The following ACSL6 variants were observed in gnomAD, a reference collection of about 807,000 sequenced individuals.
The protein encoded by ACSL6 is acyl-CoA synthetase long chain family member 6.
Under a neutral mutation model 98.2 loss-of-function variants are expected in ACSL6, and 47 were observed. The ratio of observed to expected loss-of-function variants is 0.48; its 90% CI spans 0.38 to 0.61. The LOEUF is 0.61. ACSL6 is among the 20% of genes least tolerant of loss of function. ACSL6 has a pLI of 0.00. For missense variants in ACSL6, 761 were observed against 913.4 expected (o/e 0.83, Z 2.15); for synonymous variants, 362 against 336.9 (o/e 1.07, Z -0.82).
At chr5:131,988,440 G>C in intron 6 of ACSL6, 2 of 1,419,848 alleles carry the variant, frequency 1.4e-6, no homozygotes, top group Non-Finnish European at 1.9e-6. Context: ...ACCTCCTCAA[G>C]CAGAGTCCAA....
At chr5:131,973,910 T>C (rs1753464644) in intron 11 of ACSL6, 1 of 153,666 alleles carries the variant, frequency 6.5e-6, no homozygotes, top group Non-Finnish European at 1.4e-5. Flanking sequence ...GGCTGGTTCC[T>C]AATGGGACTA....
chr5:132,003,859 C>T (rs1005306144), intron 1 of ACSL6: 1 of 152,234 alleles, frequency 6.6e-6, no homozygotes, highest in African/African-American at 2.4e-5. Context: ...GGTCAGCCCC[C>T]TCTGAGGCTC....
chr5:131,992,676 C>A (rs539718411), intron 2 of ACSL6, among the ~76,000 whole-genome samples: 2 of 152,276 alleles, frequency 1.3e-5, no homozygotes, highest in East Asian at 3.9e-4. Flanking sequence ...TGCTTTCTTA[C>A]GCTTGCCCCT....
chr5:131,986,804 G>A lies in ACSL6; in HGVS notation c.864+18C>T. On this transcript the variant is annotated intron_variant, in intron 8 of 20. Coordinates refer to ENST00000651883, the MANE Select transcript of ACSL6 (RefSeq NM_001009185.3). Reference sequence around the variant, plus strand: ...ACGCCATCTCGCTCAATAAAGACCTGCAGGTGAATTCGCTTACCACAGGAG... The same window carrying A: ...ACGCCATCTCGCTCAATAAAGACCTACAGGTGAATTCGCTTACCACAGGAG... The A allele has an allele frequency of 6.2e-7, 1 of 1,614,112 alleles. No homozygotes were observed. Among genetic ancestry groups the A allele is most frequent in the South Asian group, 1.1e-5 (1 of 91,072 alleles).
At chr5:131,979,216 C>A (rs1753776374) in intron 9 of ACSL6, among the ~76,000 whole-genome samples, 2 of 152,150 alleles carry the variant, frequency 1.3e-5, no homozygotes, top group Admixed American at 1.3e-4. Context: ...ACAGAGTATT[C>A]CAAGTGTCAC....
Position 131,994,103 on chromosome 5 carries a change from G to A in ACSL6, c.198C>T (p.Ala66=), listed in dbSNP as rs1253809044. 1 of 1,614,238 alleles carries A rather than the reference G, an allele frequency of 6.2e-7. No individual in the cohort carries two copies. The change falls in exon 2 of 21, where the codon GCC becomes GCT. Residue 66 remains alanine (A), a synonymous_variant. Coordinates refer to ENST00000651883, the MANE Select transcript of ACSL6 (RefSeq NM_001009185.3). ...CCTTTGGCCGGTGAGTGAACCAGTA[G>A]GCAAGGATGGCAGCCAGGGCACCCA... ...VSMGALAAIL[A]YWFTHRPKAL... is the part of the protein sequence containing the mutation.
chr5:131,975,142 G>C lies in ACSL6; in HGVS notation c.991-172C>G, dbSNP rs1045982674. On this transcript the variant is annotated intron_variant, in intron 10 of 20. Coordinates refer to ENST00000651883, the MANE Select transcript of ACSL6 (RefSeq NM_001009185.3). ...AGGTGAGATGAAAGAGAGAAGAAAT[G>C]AGAGAGAGAGGGAGAGAGAGAGGGA... is the stretch of plus-strand genomic sequence containing the variant. 13 of 1,389,996 alleles carry C rather than the reference G, an allele frequency of 9.4e-6. No individual in the cohort carries two copies. The Admixed American group carries it at 2.0e-4, about 22-fold the overall frequency. The allele number at this position is 1,389,996 out of a possible 1,614,324, so 86.1% of individuals were successfully genotyped here. A position where few individuals can be genotyped will look rare whatever the true frequency, so the allele number is the denominator to read the frequency against.
At position 132,011,399 on chromosome 5, in the gene ACSL6, G is replaced by C. The variant is rs748347505; in HGVS notation, c.49+106C>G. ...CTTGACGGGACAGCTCAGCAGCAGG[G>C]GATGGGGGCTCGGCGGCCGCGGAGA... On this transcript the variant is annotated intron_variant, in intron 1 of 20. Transcript: ENST00000651883. This position sits in a 1 kb window ranked among gnomAD's most constrained non-coding sequence, Gnocchi z 5.4. The C allele has an allele frequency of 2.6e-5, 32 of 1,230,364 alleles. No homozygotes were observed. The highest frequency in any genetic ancestry group is 3.8e-5 in the Non-Finnish European group (32 of 845,390). 76.2% of individuals were successfully genotyped at this position (1,230,364 alleles called of 1,614,324 possible).
At chr5:131,956,617 A>G (rs193187418) in intron 20 of ACSL6, among the ~76,000 whole-genome samples, 31 of 152,322 alleles carry the variant, frequency 2.0e-4, no homozygotes, top group Admixed American at 1.6e-3. Flanking sequence ...ACTAAAAAAT[A>G]TAGGCAGTAA....
intron 1 of ACSL6, among the ~76,000 whole-genome samples, chr5:132,010,904 T>C (rs1233099212): frequency 6.6e-6 from 1 of 152,070 alleles, no homozygotes; most frequent in Admixed American, 6.5e-5. Context: ...GTGGTGAAGC[T>C]GACTCCTGTG....
chr5:131,969,191 A>G (rs1753172646), intron 15 of ACSL6, among the ~76,000 whole-genome samples: 1 of 152,240 alleles, frequency 6.6e-6, no homozygotes, highest in African/African-American at 2.4e-5. Flanking sequence ...TACAAACTGG[A>G]AAATTTTAGG....
intron 9 of ACSL6, chr5:131,983,743 A>G (rs963480623): frequency 6.6e-6 from 1 of 152,300 alleles, no homozygotes; most frequent in African/African-American, 2.4e-5. Context: ...GAGGTCTGGG[A>G]TAGTAAATCA....
chr5:131,968,255 T>C (rs1311746695), intron 15 of ACSL6: 2 of 490,372 alleles, frequency 4.1e-6, no homozygotes, highest in Admixed American at 3.5e-5. Context: ...ATCCGATTCT[T>C]AATAAGCAGG....
chr5:131,962,460 T>TTGGAGGTTAATGTTTAA, intron 18 of ACSL6, 75 bp downstream of exon 18: 1 of 1,492,330 alleles, frequency 6.7e-7, no homozygotes, highest in Admixed American at 2.1e-5. Flanking sequence ...TGGTGCCTGA[T>TTGGAGGTTAATGTTTAA]TGGAGGTTAA....
chr5:131,964,626 C>T (rs1163984560), intron 17 of ACSL6, among the ~76,000 whole-genome samples: 1 of 152,148 alleles, frequency 6.6e-6, no homozygotes, highest in Non-Finnish European at 1.5e-5. Context: ...AGGGCCCTTT[C>T]TAAGAAAAAC....
At chr5:131,965,143 T>A (rs1289819831) in intron 17 of ACSL6, among the ~76,000 whole-genome samples, 2 of 152,174 alleles carry the variant, frequency 1.3e-5, no homozygotes, top group Non-Finnish European at 2.9e-5. Context: ...ACCAGCCCAC[T>A]CAGCCTGCCT....
intron 1 of ACSL6, among the ~76,000 whole-genome samples, chr5:132,005,788 A>T (rs2126962062): frequency 6.6e-6 from 1 of 152,330 alleles, no homozygotes; most frequent in Admixed American, 6.5e-5. Context: ...GTCCCTTGGA[A>T]TCCACATCCT....
intron 12 of ACSL6, 84 bp from the exon 13 acceptor site, chr5:131,972,942 G>A (rs1580648027): frequency 1.3e-6 from 2 of 1,582,964 alleles, no homozygotes; most frequent in East Asian, 4.5e-5. Flanking sequence ...GCCCAGACTG[G>A]CCAGCAGAGA....
chr5:131,974,674 C>T lies in ACSL6; in HGVS notation c.1068+219G>A, dbSNP rs988971681. The T allele has an allele frequency of 2.7e-6, 4 of 1,497,790 alleles. No individual in the cohort carries two copies. The African/African-American group carries it at 4.1e-5, about 15-fold the overall frequency. The allele number at this position is 1,497,790 out of a possible 1,614,324, so 92.8% of individuals were successfully genotyped here. On this transcript the variant is annotated intron_variant, in intron 11 of 20. Transcript: ENST00000651883. ...CTGAGGACAGGGCAGTTTGGTCCTA[C>T]TTCATGCCACCAGTGACAAGTGACA...
Sources: allele counts gnomAD v4.1 joint callset (sites outside exome capture counted in the v4.1 genomes callset), GRCh38; gene constraint gnomAD v4.1.1; non-coding constraint Gnocchi (gnomAD v3.1); transcripts MANE v1.5; gene names NCBI Gene and HGNC (gene_info 2026-07-23, HGNC 2026-07-21).